WDR20: variants seen among roughly 807,000 people sequenced by gnomAD.
WDR20 encodes WD repeat-containing protein 20.
A neutral mutation model predicts 38.7 loss-of-function variants in WDR20; 3 were observed. The ratio of observed to expected loss-of-function variants is 0.08; its 90% CI spans 0.04 to 0.20. The LOEUF (loss-of-function observed/expected upper bound fraction) is 0.20, where lower values mean the gene tolerates loss of function less well. WDR20 is among the 10% of genes least tolerant of loss of function. The pLI is 1.00. For missense variants in WDR20, 559 were observed against 727.7 expected (o/e 0.77, Z 2.67); for synonymous variants, 298 against 285.6 (o/e 1.04, Z -0.44).
downstream of WDR20, among the ~76,000 whole-genome samples, chr14:102,212,269 C>T: frequency 6.6e-6 from 1 of 152,130 alleles, no homozygotes; most frequent in Non-Finnish European, 1.5e-5. Context: ...CAGTTTTTGC[C>T]AAGGAGTGTA....
chr14:102,223,891 A>G (rs1049025620), downstream of WDR20, among the ~76,000 whole-genome samples: 54 of 152,240 alleles, frequency 3.5e-4, no homozygotes, highest in African/African-American at 1.3e-3. Context: ...GGGCAGCTGC[A>G]CGTCTGCACA....
intron 1 of WDR20, among the ~76,000 whole-genome samples, chr14:102,143,693 T>A: frequency 6.6e-6 from 1 of 151,868 alleles, no homozygotes; most frequent in East Asian, 2.0e-4. Context: ...TACAGGTGCG[T>A]ACCACCACGC....
intron 1 of WDR20, among the ~76,000 whole-genome samples, chr14:102,154,054 A>C (rs1011012199): frequency 2.6e-5 from 4 of 152,174 alleles, no homozygotes; most frequent in African/African-American, 9.6e-5. Context: ...CTGTAGTTCC[A>C]GGGGAGACTG....
rs1018217568 is a variant in WDR20, at chr14:102,140,860, A to G, written c.249+688A>G. 2.6e-5 allele frequency among the ~76,000 whole-genome samples: 4 copies of G among 152,174 alleles called. No individual in the cohort carries two copies. The South Asian group carries it at 6.2e-4, about 24-fold the overall frequency. Reference sequence around the variant, plus strand: ...TGTAGTATGCGAAGGGCTGAGTACTACAGTTGAAATGATGTTTCCAGTGAA... The same window carrying G: ...TGTAGTATGCGAAGGGCTGAGTACTGCAGTTGAAATGATGTTTCCAGTGAA... On this transcript the variant is annotated intron_variant, in intron 1 of 2. Transcript: ENST00000342702.
At chr14:102,183,699 G>A (rs2063896717) in intron 1 of WDR20, among the ~76,000 whole-genome samples, 1 of 152,176 alleles carries the variant, frequency 6.6e-6, no homozygotes, top group Non-Finnish European at 1.5e-5. Context: ...TGCACAACTG[G>A]GGACTTAGGG....
chr14:102,220,486 G>A lies in WDR20; in HGVS notation c.1693-2344G>A, dbSNP rs1046622846. Among the ~76,000 whole-genome samples the A allele has an allele frequency of 6.6e-6, 1 of 152,184 alleles. No individual in the cohort carries two copies. Among genetic ancestry groups the A allele is most frequent in the African/African-American group, 2.4e-5 (1 of 41,452 alleles). On this transcript the variant is annotated intron_variant, in intron 3 of 3. Coordinates refer to the WDR20 transcript ENST00000335263. The surrounding 1 kb of genome is among the most constrained non-coding windows in gnomAD (Gnocchi z 4.2). Reference sequence around the variant, plus strand: ...CGCCTGTAATCCCAGCACTTTGGGAGGCCAAGGCAGGTGGATCACGAGGTC... The same window carrying A: ...CGCCTGTAATCCCAGCACTTTGGGAAGCCAAGGCAGGTGGATCACGAGGTC...
Position 102,220,676 on chromosome 14 carries a change from T to C in WDR20, c.1693-2154T>C, listed in dbSNP as rs2063778047. On this transcript the variant is annotated intron_variant, in intron 3 of 3. Transcript: ENST00000335263. The surrounding 1 kb of genome is among the most constrained non-coding windows in gnomAD (Gnocchi z 4.2). ...TGGAGCTTGCAGTGAGCCAAGATCG[T>C]GCCACTGCACTCCAGCCTGGACAAC... 1.4e-5 allele frequency among the ~76,000 whole-genome samples: 2 copies of C among 144,482 alleles called. No individual in the cohort carries two copies. Among genetic ancestry groups the C allele is most frequent in the Admixed American group, 7.3e-5 (1 of 13,786 alleles). The allele number at this position is 144,482 out of a possible 152,430, so 94.8% of individuals were successfully genotyped here. A position where few individuals can be genotyped will look rare whatever the true frequency, so the allele number is the denominator to read the frequency against.
intron 1 of WDR20, among the ~76,000 whole-genome samples, chr14:102,160,276 A>G (rs1596022007): frequency 1.3e-5 from 2 of 152,312 alleles, no homozygotes. Flanking sequence ...TCAGTTATGC[A>G]GAACATTTAC....
intron 1 of WDR20, among the ~76,000 whole-genome samples, chr14:102,190,523 G>A (rs2066077152): frequency 6.6e-6 from 1 of 152,024 alleles, no homozygotes; most frequent in African/African-American, 2.4e-5. Flanking sequence ...AACCCGGGAG[G>A]CAGAGGTTAC....
At chr14:102,217,664 T>G (rs777104294), downstream of WDR20, among the ~76,000 whole-genome samples, 4 of 152,244 alleles carry the variant, frequency 2.6e-5, no homozygotes, top group Non-Finnish European at 5.9e-5. Context: ...ATGTAGAGAC[T>G]GGCTTCGGGT....
rs544192252 is a variant in WDR20, at chr14:102,203,868, G to T, written c.433-4735G>T. ...TTCTGAAACAAAAATATACCTTATA[G>T]TGCAGAAACTGGACTGCATAATTTT... On this transcript the variant is annotated intron_variant, in intron 2 of 2. Transcript: ENST00000342702. 2.0e-5 allele frequency among the ~76,000 whole-genome samples: 3 copies of T among 151,952 alleles called. No homozygotes were observed. The South Asian group carries it at 6.2e-4, about 32-fold the overall frequency.
At chr14:102,200,006 A>T (rs1477377763) in intron 2 of WDR20, among the ~76,000 whole-genome samples, 2 of 152,210 alleles carry the variant, frequency 1.3e-5, no homozygotes, top group African/African-American at 4.8e-5. Context: ...GGTGAAGGCA[A>T]ACTTCACCAA....
chr14:102,163,771 A>G (rs1043725134), intron 1 of WDR20, among the ~76,000 whole-genome samples: 18 of 151,896 alleles, frequency 1.2e-4, no homozygotes, highest in Non-Finnish European at 2.1e-4. Context: ...TAGTGTCTTC[A>G]TTGCCTGAAA....
At chr14:102,169,228 C>G (rs1321991233) in intron 1 of WDR20, among the ~76,000 whole-genome samples, 1 of 152,138 alleles carries the variant, frequency 6.6e-6, no homozygotes, top group Non-Finnish European at 1.5e-5. Flanking sequence ...ATGGCGCTGG[C>G]TCCCTCACTT....
chr14:102,167,526 C>G (rs1178468289), intron 1 of WDR20: 1 of 152,290 alleles, frequency 6.6e-6, no homozygotes, highest in Non-Finnish European at 1.5e-5. Context: ...AGCCTAGATT[C>G]TTCTTAATAT....
intron 1 of WDR20, among the ~76,000 whole-genome samples, chr14:102,166,564 T>G (rs535690608): frequency 3.2e-4 from 49 of 152,354 alleles, no homozygotes; most frequent in African/African-American, 1.1e-3. Flanking sequence ...CTCATTGTGA[T>G]TCTGGACTTG....
chr14:102,192,951 G>A lies in WDR20; in HGVS notation c.250-1987G>A, dbSNP rs551571013. Among the ~76,000 whole-genome samples the A allele has an allele frequency of 1.6e-4, 24 of 151,414 alleles. No homozygotes were observed. The South Asian group carries it at 5.0e-3, about 32-fold the overall frequency. ...GCCTCCTGAATAACTGGGACTACAGGCATGCACCACCACACCTAGCTGATT... is the reference window on the plus strand; with the variant it reads ...GCCTCCTGAATAACTGGGACTACAGACATGCACCACCACACCTAGCTGATT... On this transcript the variant is annotated intron_variant, in intron 1 of 2. Transcript: ENST00000342702.
intron 1 of WDR20, 80 bp from the exon 2 acceptor site, chr14:102,194,858 A>G (rs1014725110): frequency 2.2e-6 from 3 of 1,374,152 alleles, no homozygotes; most frequent in Non-Finnish European, 2.0e-6. Flanking sequence ...AAACATCATA[A>G]TGGAGTATAA....
At position 102,139,943 on chromosome 14, in the gene WDR20, G is replaced by A. The variant is rs760903759; in HGVS notation, c.20G>A (p.Gly7Glu). The change falls in exon 1 of 3, where the codon GGG (glycine) becomes GAG (glutamate). Residue 7 changes from glycine (G) to glutamate (E), a missense_variant. By Grantham distance (98) the Gly-to-Glu change is moderately conservative (BLOSUM62 -2). Coordinates refer to ENST00000342702, the MANE Select transcript of WDR20 (RefSeq NM_144574.4). ...TCCAAGATGGCGACGGAGGGAGGAG[G>A]GAAGGAGATGAACGAGATTAAGACC... The part of the protein sequence containing the change: MATEGG[G>E]KEMNEIKTQF... The A allele has an allele frequency of 5.0e-6, 8 of 1,613,344 alleles. No homozygotes were observed. The East Asian group carries it at 1.3e-4, about 27-fold the overall frequency.
Sources: allele counts gnomAD v4.1 joint callset (sites outside exome capture counted in the v4.1 genomes callset), GRCh38; gene constraint gnomAD v4.1.1; non-coding constraint Gnocchi (gnomAD v3.1); transcripts MANE v1.5; gene names NCBI Gene and HGNC (gene_info 2026-07-23, HGNC 2026-07-21).